Variants in LIMS2 observed in about 807,000 individuals in gnomAD.
LIMS2 encodes the protein LIM zinc finger domain containing 2.
A neutral mutation model predicts 45.3 loss-of-function variants in LIMS2; 30 were observed. The ratio of observed to expected loss-of-function variants is 0.66; its 90% CI spans 0.50 to 0.90. The LOEUF is 0.90. Ranked by LOEUF, LIMS2 falls within the 40% of genes least tolerant of loss-of-function variation. LIMS2 has a pLI of 0.00. For synonymous variants in LIMS2, 173 were observed against 188.0 expected (o/e 0.92, Z 0.65); for missense variants, 485 against 468.7 (o/e 1.03, Z -0.32).
chr2:127,663,928 G>T lies in LIMS2; in HGVS notation c.12-6366C>A, dbSNP rs1369046163. Among the ~76,000 whole-genome samples the T allele has an allele frequency of 2.0e-5, 3 of 152,132 alleles. No individual in the cohort carries two copies. The South Asian group carries it at 6.2e-4, about 32-fold the overall frequency. On this transcript the variant is annotated intron_variant, in intron 1 of 9. Coordinates refer to ENST00000355119, the MANE Select transcript of LIMS2 (RefSeq NM_001161403.3). ...CACTGCTGGAGTCAGTCTAACCTGGGTTCAAATCACAGCATAGCCATGTTT... is the reference window on the plus strand; with the variant it reads ...CACTGCTGGAGTCAGTCTAACCTGGTTTCAAATCACAGCATAGCCATGTTT...
upstream of LIMS2, among the ~76,000 whole-genome samples, chr2:127,680,517 G>C (rs549161030): frequency 4.7e-4 from 71 of 152,298 alleles, no homozygotes; most frequent in Middle Eastern, 3.4e-3. Context: ...ACTGTCATTA[G>C]ACACACCCTC....
At chr2:127,670,056 A>G (rs1056443120) in intron 1 of LIMS2, among the ~76,000 whole-genome samples, 7 of 152,380 alleles carry the variant, frequency 4.6e-5, no homozygotes, top group African/African-American at 1.7e-4. Flanking sequence ...AAATTGTTCA[A>G]TTACTTGGAA....
At position 127,664,927 on chromosome 2, in the gene LIMS2, G is replaced by A. The variant is rs1303472619; in HGVS notation, c.12-7365C>T. On this transcript the variant is annotated intron_variant, in intron 1 of 9. Coordinates refer to ENST00000355119, the MANE Select transcript of LIMS2 (RefSeq NM_001161403.3). This position sits in a 1 kb window ranked among gnomAD's most constrained non-coding sequence, Gnocchi z 5.5. The stretch of plus-strand genomic sequence containing the variant: ...GACCCTCTGCCACAAACATCACCGT[G>A]GGGCACCCAGACCAGGGCAGAGCCG... Among the ~76,000 whole-genome samples the A allele has an allele frequency of 6.6e-6, 1 of 152,154 alleles. No homozygotes were observed.
At chr2:127,676,101 C>A (rs948327196), upstream of LIMS2, among the ~76,000 whole-genome samples, 1 of 152,204 alleles carries the variant, frequency 6.6e-6, no homozygotes, top group Non-Finnish European at 1.5e-5. Context: ...AAAAAACCCC[C>A]GCCCTGCCTA....
Position 127,664,290 on chromosome 2 carries a change from G to A in LIMS2, c.12-6728C>T, listed in dbSNP as rs1324816288. The A allele has an allele frequency of 1.1e-5, 14 of 1,234,476 alleles. No homozygotes were observed. Among genetic ancestry groups the A allele is most frequent in the Non-Finnish European group, 1.4e-5 (14 of 989,324 alleles). 76.5% of individuals were successfully genotyped at this position (1,234,476 alleles called of 1,614,324 possible). A position where few individuals can be genotyped will look rare whatever the true frequency, so the allele number is the denominator to read the frequency against. Reference sequence around the variant, plus strand: ...GGCCATTGTCCCCGCCACCCGCCCCGCCCCTGGCCACCTACCCCGTGGCTG... The same window carrying A: ...GGCCATTGTCCCCGCCACCCGCCCCACCCCTGGCCACCTACCCCGTGGCTG... On this transcript the variant is annotated intron_variant, in intron 1 of 9. Transcript: ENST00000355119. The surrounding 1 kb of genome is among the most constrained non-coding windows in gnomAD (Gnocchi z 5.5).
chr2:127,641,710 T>C (rs1342900864), intron 6 of LIMS2: 1 of 241,674 alleles, frequency 4.1e-6, no homozygotes, highest in Non-Finnish European at 8.1e-6. Context: ...GGGCTGTCCA[T>C]GCAGCGGGTT....
At chr2:127,668,785 C>T (rs987589233) in intron 1 of LIMS2, among the ~76,000 whole-genome samples, 2 of 142,482 alleles carry the variant, frequency 1.4e-5, no homozygotes, top group South Asian at 2.3e-4. Context: ...TAGACATATA[C>T]ACCCATAGAA....
At chr2:127,669,926 C>G (rs1370288909) in intron 1 of LIMS2, among the ~76,000 whole-genome samples, 4 of 152,148 alleles carry the variant, frequency 2.6e-5, no homozygotes, top group Non-Finnish European at 4.4e-5. Context: ...AAATGGAAAT[C>G]AAAACCACAA....
At chr2:127,649,165 T>TAGGAAGGA (rs376330379) in intron 4 of LIMS2, among the ~76,000 whole-genome samples, 4,539 of 134,260 alleles carry the variant, frequency 0.034, 85 homozygotes, top group East Asian at 0.068. Context: ...GAGAGGAAGG[T>TAGGAAGGA]AGGAAGGAAG....
At chr2:127,681,767 T>G (rs75126970) in exon 1 of LIMS2, 3,742 of 152,230 alleles carry the variant, frequency 0.025, 156 homozygotes, top group African/African-American at 0.084. Flanking sequence ...GTTCACAGTA[T>G]CCACGGACAG....
chr2:127,668,710 A>C (rs1460425069), intron 1 of LIMS2, among the ~76,000 whole-genome samples: 14 of 130,762 alleles, frequency 1.1e-4, no homozygotes, highest in African/African-American at 2.5e-4. Flanking sequence ...AAAAAAAAAA[A>C]ACACCTTACT....
chr2:127,675,020 G>A lies in LIMS2; in HGVS notation c.5C>T (p.Thr2Met), dbSNP rs1573855115. The A allele has an allele frequency of 8.1e-7, 1 of 1,230,072 alleles. No homozygotes were observed. Among genetic ancestry groups the A allele is most frequent in the Non-Finnish European group, 1.0e-6 (1 of 985,644 alleles). The allele number at this position is 1,230,072 out of a possible 1,614,324, so 76.2% of individuals were successfully genotyped here. The change falls in exon 1 of 10, where the codon ACG becomes ATG. Residue 2 changes from threonine to methionine, a missense_variant. Coordinates refer to ENST00000355119, the MANE Select transcript of LIMS2 (RefSeq NM_001161403.3). MTGSNMSDALAN... is the reference protein window; with the variant it reads MMGSNMSDALAN... ...CGTGGGTGGGGGCCGTTACCTTCCC[G>A]TCATGGTGGCAGCGACGCCGAGCCC...
chr2:127,678,588 C>T (rs1426352350), upstream of LIMS2, among the ~76,000 whole-genome samples: 1 of 152,136 alleles, frequency 6.6e-6, no homozygotes, highest in Non-Finnish European at 1.5e-5. This position sits in a 1 kb window ranked among gnomAD's most constrained non-coding sequence, Gnocchi z 5.3. Context: ...AACACAGGAT[C>T]TATTTTGCAA....
In LIMS2 at chr2:127,641,132, G is replaced by A. The variant is rs1682364804; in HGVS notation, c.661-144C>T. ...GCCCCAGGAGGCAGCAGTGACAGAA[G>A]GGGACAGAAAGCAGAGTCTGGGCAG... On this transcript the variant is annotated intron_variant, in intron 6 of 9. Transcript: ENST00000355119. 9.4e-6 allele frequency: 6 copies of A among 641,060 alleles called. No individual in the cohort carries two copies. The South Asian group carries it at 1.0e-4, about 11-fold the overall frequency. 39.7% of individuals were successfully genotyped at this position (641,060 alleles called of 1,614,324 possible). A position where few individuals can be genotyped will look rare whatever the true frequency, so the allele number is the denominator to read the frequency against.
At position 127,647,041 on chromosome 2, in the gene LIMS2, C is replaced by T. The variant is rs547936764; in HGVS notation, c.360-3969G>A. On this transcript the variant is annotated intron_variant, in intron 4 of 9. Coordinates refer to ENST00000355119, the MANE Select transcript of LIMS2 (RefSeq NM_001161403.3). This position sits in a 1 kb window ranked among gnomAD's most constrained non-coding sequence, Gnocchi z 4.3. Reference sequence around the variant, plus strand: ...CCCGGGCAGGAAGTGGAGGGCAGTGCCCAGGCTGAGGCCCCCGGGCTGGAG... The same window carrying T: ...CCCGGGCAGGAAGTGGAGGGCAGTGTCCAGGCTGAGGCCCCCGGGCTGGAG... Among the ~76,000 whole-genome samples, 4 of 151,962 alleles carry T rather than the reference C, an allele frequency of 2.6e-5. No individual in the cohort carries two copies. The highest frequency in any genetic ancestry group is 5.9e-5 in the Non-Finnish European group (4 of 67,992).
chr2:127,662,629 T>G (rs866204820), intron 1 of LIMS2, among the ~76,000 whole-genome samples: 464 of 42,510 alleles, frequency 0.011, 7 homozygotes, highest in Non-Finnish European at 0.014. Flanking sequence ...GAGGCTCTTG[T>G]GGGGTGGGGG....
chr2:127,679,609 C>A (rs534606815), upstream of LIMS2, among the ~76,000 whole-genome samples: 3,902 of 152,106 alleles, frequency 0.026, 166 homozygotes, highest in African/African-American at 0.088. The surrounding 1 kb of genome is among the most constrained non-coding windows in gnomAD (Gnocchi z 5.3). Flanking sequence ...GTTTCTCCAC[C>A]CCCCACCTTC....
Position 127,671,666 on chromosome 2 carries a change from C to A in LIMS2, c.11+3348G>T, listed in dbSNP as rs1027716395. ...GGGTATCACACCACGGGACTGGACA[C>A]CCTGCAGATCAGTCCCTCCATCCCT... On this transcript the variant is annotated intron_variant, in intron 1 of 9. Coordinates refer to ENST00000355119, the MANE Select transcript of LIMS2 (RefSeq NM_001161403.3). This position sits in a 1 kb window ranked among gnomAD's most constrained non-coding sequence, Gnocchi z 4.1. 3.9e-5 allele frequency among the ~76,000 whole-genome samples: 6 copies of A among 152,200 alleles called. No homozygotes were observed. Among genetic ancestry groups the A allele is most frequent in the Non-Finnish European group, 7.3e-5 (5 of 68,030 alleles).
intron 4 of LIMS2, chr2:127,643,998 A>G: frequency 2.2e-6 from 1 of 454,558 alleles, no homozygotes; most frequent in Non-Finnish European, 4.4e-6. Context: ...CAAGATCCCC[A>G]CCCAGGTTAT....
Sources: allele counts gnomAD v4.1 joint callset (sites outside exome capture counted in the v4.1 genomes callset), GRCh38; gene constraint gnomAD v4.1.1; non-coding constraint Gnocchi (gnomAD v3.1); transcripts MANE v1.5; gene names NCBI Gene and HGNC (gene_info 2026-07-23, HGNC 2026-07-21).